The following CNTNAP3B variants were observed in gnomAD, a reference collection of about 807,000 sequenced individuals.
The protein encoded by CNTNAP3B is contactin associated protein family member 3B.
Under a neutral mutation model 108.9 loss-of-function variants are expected in CNTNAP3B, and 25 were observed. The ratio of observed to expected loss-of-function variants is 0.23; its 90% CI spans 0.17 to 0.32. The LOEUF (loss-of-function observed/expected upper bound fraction) is 0.32. CNTNAP3B is among the 10% of genes least tolerant of loss of function. CNTNAP3B has a pLI of 1.00. For synonymous variants in CNTNAP3B, 103 were observed against 473.4 expected (o/e 0.22, Z 10.16); for missense variants, 252 against 1,210.4 (o/e 0.21, Z 11.75).
chr9:41,962,063 T>A (rs1187569047), intron 11 of CNTNAP3B, among the ~76,000 whole-genome samples: 6 of 152,396 alleles, frequency 3.9e-5, no homozygotes, highest in African/African-American at 1.4e-4. Flanking sequence ...GTGCTTTATG[T>A]GAACTGTTTG....
rs750024533 is a variant in CNTNAP3B, at chr9:42,115,211, T to C, written c.86-10472A>G. On this transcript the variant is annotated intron_variant, in intron 1 of 23. Transcript: ENST00000377561. ...ACTCATAAGAAAAAACAGAAGAAGC[T>C]GCACTCTTTTGACAAAGCTCATAAG... Among the ~76,000 whole-genome samples the C allele has an allele frequency of 1.7e-4, 24 of 138,238 alleles. 2 individuals are homozygous for C. The highest frequency in any genetic ancestry group is 2.2e-4 in the Admixed American group (3 of 13,860). The allele number at this position is 138,238 out of a possible 152,430, so 90.7% of individuals were successfully genotyped here. A position where few individuals can be genotyped will look rare whatever the true frequency, so the allele number is the denominator to read the frequency against.
At chr9:41,925,373 C>T in intron 15 of CNTNAP3B, among the ~76,000 whole-genome samples, 2 of 152,178 alleles carry the variant, frequency 1.3e-5, no homozygotes, top group Non-Finnish European at 2.9e-5. Flanking sequence ...GCGGACGGAT[C>T]ATGAGGTCAG....
intron 3 of CNTNAP3B, among the ~76,000 whole-genome samples, chr9:42,056,338 A>ATTATTG (rs1827069238): frequency 3.6e-5 from 5 of 137,222 alleles, no homozygotes; most frequent in African/African-American, 1.4e-4. Flanking sequence ...TATTATTATT[A>ATTATTG]TTATTATTAT....
intron 10 of CNTNAP3B, among the ~76,000 whole-genome samples, chr9:41,967,451 T>A (rs1479244742): frequency 2.0e-5 from 3 of 151,862 alleles, no homozygotes; most frequent in Admixed American, 1.3e-4. Flanking sequence ...GAACTGTGAA[T>A]CCATTAAGCC....
At chr9:42,096,509 G>C (rs1273547269) in intron 2 of CNTNAP3B, among the ~76,000 whole-genome samples, 1 of 135,638 alleles carries the variant, frequency 7.4e-6, no homozygotes, top group Non-Finnish European at 1.6e-5. Flanking sequence ...GAGGACTCAA[G>C]ACAATCTGAG....
intron 13 of CNTNAP3B, among the ~76,000 whole-genome samples, chr9:41,941,829 T>C (rs1587126991): frequency 6.6e-6 from 1 of 151,264 alleles, no homozygotes; most frequent in Non-Finnish European, 1.5e-5. Context: ...GAGTGGGGGA[T>C]ACGCCTTAGA....
chr9:42,129,139 C>T lies in CNTNAP3B; in HGVS notation c.-45G>A, dbSNP rs765361752. 1.1e-4 allele frequency: 168 copies of T among 1,523,940 alleles called. 3 individuals carry two copies. Among genetic ancestry groups the T allele is most frequent in the Non-Finnish European group, 1.4e-4 (153 of 1,130,118 alleles). The allele number at this position is 1,523,940 out of a possible 1,614,324, so 94.4% of individuals were successfully genotyped here. On this transcript the variant is annotated 5_prime_UTR_variant, in exon 1 of 24. Coordinates refer to ENST00000377561, the MANE Select transcript of CNTNAP3B (RefSeq NM_001201380.3). ...CCTGAGACCCGGGCACGGCGACGGC[C>T]GCTCTGCGTCGTTCCTGCTCTCACT...
chr9:42,094,868 C>T lies in CNTNAP3B; in HGVS notation c.196+9761G>A, dbSNP rs1460250509. Among the ~76,000 whole-genome samples, 52 of 129,952 alleles carry T rather than the reference C, an allele frequency of 4.0e-4. 5 individuals are homozygous for T. The highest frequency in any genetic ancestry group is 1.4e-3 in the African/African-American group (45 of 32,338). 85.3% of individuals were successfully genotyped at this position (129,952 alleles called of 152,430 possible). ...TCTGTCTCTTTACAGCAGAAGTTTG[C>T]TAACTCCCATGTTTAACTTTTATTT... On this transcript the variant is annotated intron_variant, in intron 2 of 23. Transcript: ENST00000377561.
chr9:42,061,317 C>CTTT (rs57755649), intron 3 of CNTNAP3B, among the ~76,000 whole-genome samples: 94 of 93,028 alleles, frequency 1.0e-3, no homozygotes, highest in Non-Finnish European at 1.4e-3. Flanking sequence ...TTTTCTTTTT[C>CTTT]TTTTTTTTTT....
intron 18 of CNTNAP3B, among the ~76,000 whole-genome samples, chr9:41,916,465 T>C (rs1270281530): frequency 1.3e-5 from 2 of 152,176 alleles, no homozygotes; most frequent in Non-Finnish European, 2.9e-5. Flanking sequence ...CTGGGTTATA[T>C]CCCTTCAACC....
At chr9:42,056,552 G>A (rs1160295243) in intron 3 of CNTNAP3B, among the ~76,000 whole-genome samples, 6 of 137,328 alleles carry the variant, frequency 4.4e-5, no homozygotes, top group East Asian at 2.2e-4. Context: ...GGGTTTCACC[G>A]GGTTAGCCAG....
At chr9:42,003,142 G>A (rs1262985192) in intron 4 of CNTNAP3B, among the ~76,000 whole-genome samples, 1 of 139,458 alleles carries the variant, frequency 7.2e-6, no homozygotes, top group Non-Finnish European at 1.5e-5. Flanking sequence ...GCCCACCTCA[G>A]CTTCACAAAG....
intron 11 of CNTNAP3B, among the ~76,000 whole-genome samples, chr9:41,961,774 A>G (rs1386768555): frequency 3.3e-5 from 5 of 152,300 alleles, no homozygotes; most frequent in Non-Finnish European, 7.3e-5. Context: ...AACTTTTTTG[A>G]AAGATATCCC....
In CNTNAP3B at chr9:41,969,814, C is replaced by T. The variant is rs562523134; in HGVS notation, c.1649+260G>A. Among the ~76,000 whole-genome samples the T allele has an allele frequency of 3.5e-5, 4 of 114,722 alleles. No homozygotes were observed. In the East Asian group the frequency reaches 1.0e-3, roughly 29 times the overall value. The allele number at this position is 114,722 out of a possible 152,430, so 75.3% of individuals were successfully genotyped here. A position where few individuals can be genotyped will look rare whatever the true frequency, so the allele number is the denominator to read the frequency against. On this transcript the variant is annotated intron_variant, in intron 10 of 23. Transcript: ENST00000377561. Reference sequence around the variant, plus strand: ...TTTTTTTCTGTATTTTTAGTAGAGACGGGGTTTCACCATGTTAGCCAGGAT... The same window carrying T: ...TTTTTTTCTGTATTTTTAGTAGAGATGGGGTTTCACCATGTTAGCCAGGAT...
chr9:41,952,357 G>A (rs1272142047), intron 13 of CNTNAP3B, among the ~76,000 whole-genome samples: 189 of 152,250 alleles, frequency 1.2e-3, no homozygotes, highest in African/African-American at 4.3e-3. Context: ...CTGCAGCCTG[G>A]ACTTCCTGGG....
At chr9:42,101,817 G>C (rs1828007024) in intron 2 of CNTNAP3B, among the ~76,000 whole-genome samples, 2 of 125,846 alleles carry the variant, frequency 1.6e-5, no homozygotes, top group African/African-American at 3.3e-5. Flanking sequence ...TCACACCTTT[G>C]GGAGGCCGAG....
Position 42,079,678 on chromosome 9 carries a change from C to T in CNTNAP3B, c.197-2616G>A, listed in dbSNP as rs566675659. 1.8e-4 allele frequency among the ~76,000 whole-genome samples: 24 copies of T among 136,832 alleles called. 2 individuals are homozygous for T. The South Asian group carries it at 3.6e-3, about 21-fold the overall frequency. 89.8% of individuals were successfully genotyped at this position (136,832 alleles called of 152,430 possible). A position where few individuals can be genotyped will look rare whatever the true frequency, so the allele number is the denominator to read the frequency against. ...CCGGGATTACAGGTACATGCCACCACGCCCAGCTAATTTTTGTATTTTTAG... is the reference window on the plus strand; with the variant it reads ...CCGGGATTACAGGTACATGCCACCATGCCCAGCTAATTTTTGTATTTTTAG... On this transcript the variant is annotated intron_variant, in intron 2 of 23. Transcript: ENST00000377561.
chr9:42,071,985 A>T (rs534907339), intron 3 of CNTNAP3B, among the ~76,000 whole-genome samples: 10 of 147,432 alleles, frequency 6.8e-5, no homozygotes, highest in Admixed American at 2.7e-4. Flanking sequence ...TCCGAAAGGA[A>T]ATGGAGTCTG....
At chr9:42,028,871 A>G (rs1172828215) in intron 3 of CNTNAP3B, among the ~76,000 whole-genome samples, 16 of 151,806 alleles carry the variant, frequency 1.1e-4, no homozygotes, top group African/African-American at 3.4e-4. Context: ...CAAATGGCTA[A>G]CCTCCACCAA....
Sources: gnomAD v4.1 joint callset for allele counts (sites outside exome capture counted in the v4.1 genomes callset) on GRCh38, gnomAD v4.1.1 for gene constraint, MANE v1.5 for transcripts, NCBI Gene and HGNC (gene_info 2026-07-23, HGNC 2026-07-21) for gene names.